The following DHX57 variants were observed in gnomAD, a reference collection of about 807,000 sequenced individuals.
DHX57 encodes the protein DExH-box helicase 57.
In DHX57, 105 loss-of-function variants were observed where a neutral mutation model predicts 156.2. That is an observed-to-expected ratio of 0.67 (90% CI 0.57 to 0.79). DHX57 has a LOEUF of 0.79. DHX57 is among the 30% of genes least tolerant of loss of function. DHX57 has a pLI of 0.00. For missense variants in DHX57, 1,847 were observed against 1,661.9 expected (o/e 1.11, Z -1.94); for synonymous variants, 704 against 595.6 (o/e 1.18, Z -2.65).
At chr2:38,811,575 T>C (rs762098326) in intron 21 of DHX57, 2 of 1,351,094 alleles carry the variant, frequency 1.5e-6, no homozygotes, top group South Asian at 2.3e-5. Context: ...GTCATAGCCT[T>C]GTTCCTTCAG....
At chr2:38,847,272 T>C (rs1048211498) in intron 10 of DHX57, among the ~76,000 whole-genome samples, 199 bp from the exon 11 acceptor site, 9 of 152,204 alleles carry the variant, frequency 5.9e-5, no homozygotes, top group Non-Finnish European at 1.3e-4. Context: ...AGAAGCAGTG[T>C]ATAGGTAGAG....
At chr2:38,864,825 T>C (rs1664974651) in intron 2 of DHX57, among the ~76,000 whole-genome samples, 4 of 152,144 alleles carry the variant, frequency 2.6e-5, no homozygotes, top group Non-Finnish European at 1.5e-5. Flanking sequence ...TCTTTCCTCT[T>C]CTCTCTGAAA....
intron 9 of DHX57, 123 bp from the exon 10 acceptor site, chr2:38,848,525 T>A: frequency 9.9e-7 from 1 of 1,011,054 alleles, no homozygotes; most frequent in Non-Finnish European, 1.4e-6. Context: ...ACCATTAACG[T>A]TCATAGAACA....
At chr2:38,850,540 A>T (rs1314491701) in intron 9 of DHX57, among the ~76,000 whole-genome samples, 3 of 152,074 alleles carry the variant, frequency 2.0e-5, no homozygotes, top group Admixed American at 6.6e-5. Flanking sequence ...GGGATTACTG[A>T]ACATATAATC....
intron 9 of DHX57, 33 bp downstream of exon 9, chr2:38,854,021 A>T: frequency 6.4e-7 from 1 of 1,572,240 alleles, no homozygotes; most frequent in Non-Finnish European, 8.6e-7. Context: ...AATTCAGGTG[A>T]GTGTGTGTTC....
chr2:38,836,835 T>C (rs1043804140), intron 13 of DHX57, among the ~76,000 whole-genome samples: 8 of 149,546 alleles, frequency 5.3e-5, no homozygotes, highest in African/African-American at 1.5e-4. Context: ...ACATATGACA[T>C]ACAAAATGTG....
rs2148527394 is a variant in DHX57, at chr2:38,802,813, A to T, written c.3919T>A (p.Leu1307Met). 3 of 1,614,146 alleles carry T rather than the reference A, an allele frequency of 1.9e-6. No homozygotes were observed. The highest frequency in any genetic ancestry group is 2.5e-6 in the Non-Finnish European group (3 of 1,180,022). Reference sequence around the variant, plus strand: ...ACATTCACTTGGCCTCCTCCAAACAAGACCAGCGGGTACACAGACACCATG... The same window carrying T: ...ACATTCACTTGGCCTCCTCCAAACATGACCAGCGGGTACACAGACACCATG... Reference protein sequence around the residue: ...CSMVSVYPLVLFGGGQVNVQL... With the variant: ...CSMVSVYPLVMFGGGQVNVQL... The change falls in exon 23 of 24, where the codon TTG (leucine) becomes ATG (methionine). Residue 1307 changes from leucine (L) to methionine (M), a missense_variant. By Grantham distance (15) the Leu-to-Met change is conservative (BLOSUM62 2). Transcript: ENST00000457308.
intron 9 of DHX57, among the ~76,000 whole-genome samples, chr2:38,851,090 A>G (rs796761405): frequency 2.0e-5 from 3 of 152,242 alleles, no homozygotes; most frequent in African/African-American, 7.2e-5. Flanking sequence ...AAAAAAGATA[A>G]TTCATTAACT....
intron 9 of DHX57, among the ~76,000 whole-genome samples, chr2:38,848,932 T>C (rs1230400757): frequency 2.0e-5 from 3 of 152,190 alleles, no homozygotes; most frequent in East Asian, 1.9e-4. Context: ...TGTATAAAGA[T>C]ATAAATTCTT....
intron 11 of DHX57, among the ~76,000 whole-genome samples, chr2:38,844,945 G>A (rs1672191387): frequency 6.6e-6 from 1 of 152,136 alleles, no homozygotes; most frequent in Admixed American, 6.6e-5. Context: ...GGGAACCAAT[G>A]AAAATTTCTA....
intron 23 of DHX57, among the ~76,000 whole-genome samples, chr2:38,798,713 A>G (rs938064011): frequency 6.6e-6 from 1 of 152,098 alleles, no homozygotes; most frequent in Admixed American, 6.6e-5. Flanking sequence ...TGGGAGGCCA[A>G]GGCGGGCGGA....
intron 7 of DHX57, 92 bp from the exon 8 acceptor site, chr2:38,855,344 C>G (rs1487391435): frequency 3.8e-6 from 5 of 1,329,686 alleles, no homozygotes; most frequent in Non-Finnish European, 5.4e-6. Flanking sequence ...AGTGATAAAG[C>G]TAATTAGAAT....
At chr2:38,825,448 G>A (rs552698409) in intron 16 of DHX57, among the ~76,000 whole-genome samples, 1 of 152,256 alleles carries the variant, frequency 6.6e-6, no homozygotes, top group South Asian at 2.1e-4. Flanking sequence ...GATTACAGGT[G>A]TGTGCTATCA....
intron 23 of DHX57, among the ~76,000 whole-genome samples, chr2:38,799,794 G>A (rs1043633027): frequency 4.1e-5 from 6 of 147,212 alleles, no homozygotes; most frequent in East Asian, 2.1e-4. Flanking sequence ...AGTGGCTCAC[G>A]CCTGTAATCC....
intron 2 of DHX57, 42 bp downstream of exon 2, chr2:38,868,140 G>A (rs201548455): frequency 1.2e-6 from 2 of 1,604,304 alleles, no homozygotes; most frequent in African/African-American, 1.3e-5. Flanking sequence ...ATTAGGGGTT[G>A]ATACCATTTC....
chr2:38,843,307 ACTGT>A, intron 11 of DHX57, 97 bp from the exon 12 acceptor site: 2 of 1,254,114 alleles, frequency 1.6e-6, no homozygotes, highest in Non-Finnish European at 2.3e-6. Flanking sequence ...GCAAAATGTC[ACTGT>A]CTGCCCAATT....
At chr2:38,847,125 T>C (rs1460084062) in intron 10 of DHX57, 52 bp from the exon 11 acceptor site, 1 of 1,394,384 alleles carries the variant, frequency 7.2e-7, no homozygotes, top group Non-Finnish European at 1.0e-6. Flanking sequence ...CATTCAACCA[T>C]CTTGAAATAG....
In DHX57 at chr2:38,868,240, T is replaced by C. The variant is rs778112189; in HGVS notation, c.166A>G (p.Arg56Gly). The change falls in exon 2 of 24, where the codon AGA (arginine) becomes GGA (glycine). Residue 56 changes from arginine to glycine, a missense_variant. Transcript: ENST00000457308. The part of the protein sequence containing the change: ...GGGGNRKASS[R>G]IWDDGDDFCI... Reference sequence around the variant, plus strand: ...AAGTCATCTCCATCATCCCATATTCTACTGGAGGCCTTTCTGTTGCCGCCA... The same window carrying C: ...AAGTCATCTCCATCATCCCATATTCCACTGGAGGCCTTTCTGTTGCCGCCA... 5 of 1,614,020 alleles carry C rather than the reference T, an allele frequency of 3.1e-6. No individual in the cohort carries two copies. Among genetic ancestry groups the C allele is most frequent in the Non-Finnish European group, 4.2e-6 (5 of 1,180,034 alleles).
At chr2:38,852,102 T>C (rs1253719794) in intron 9 of DHX57, among the ~76,000 whole-genome samples, 3 of 152,046 alleles carry the variant, frequency 2.0e-5, no homozygotes, top group Non-Finnish European at 2.9e-5. Flanking sequence ...CTTTAGTTTC[T>C]AATTACTTCA....
Sources: gnomAD v4.1 joint callset for allele counts (sites outside exome capture counted in the v4.1 genomes callset) on GRCh38, gnomAD v4.1.1 for gene constraint, MANE v1.5 for transcripts, NCBI Gene and HGNC (gene_info 2026-07-23, HGNC 2026-07-21) for gene names.